The following UVRAG variants were observed in gnomAD, a reference collection of about 807,000 sequenced individuals.
The protein encoded by UVRAG is UV radiation resistance-associated gene protein.
A neutral mutation model predicts 78.0 loss-of-function variants in UVRAG; 19 were observed. That is an observed-to-expected ratio of 0.24 (90% confidence interval 0.17 to 0.36). The LOEUF (loss-of-function observed/expected upper bound fraction) is 0.36. Among genes scored for constraint, UVRAG ranks in the 10% least tolerant of loss-of-function variants. UVRAG has a pLI of 1.00. For missense variants in UVRAG, 740 were observed against 853.8 expected, an observed-to-expected ratio of 0.87 and a Z score of 1.66; for synonymous variants, 323 against 324.6, an observed-to-expected ratio of 1.00 and a Z score of 0.05.
chr11:76,016,780 A>G, intron 11 of UVRAG, 35 bp from the exon 12 acceptor site: 1 of 1,537,954 alleles, frequency 6.5e-7, no homozygotes, highest in South Asian at 1.4e-5. Flanking sequence ...TAAGGTAAAT[A>G]GTTATTTTCT....
At chr11:75,899,165 T>C (rs1053458696) in intron 5 of UVRAG, among the ~76,000 whole-genome samples, 1 of 152,188 alleles carries the variant, frequency 6.6e-6, no homozygotes, top group Non-Finnish European at 1.5e-5. Context: ...AGGGACTGTT[T>C]ATAATAGCTG....
intron 12 of UVRAG, among the ~76,000 whole-genome samples, chr11:76,063,804 A>G (rs1951136399): frequency 6.6e-6 from 1 of 152,164 alleles, no homozygotes. Flanking sequence ...TGCTAATGTA[A>G]TTCTCCAATA....
intron 1 of UVRAG, among the ~76,000 whole-genome samples, chr11:75,830,024 G>T (rs1485682342): frequency 2.0e-5 from 3 of 150,070 alleles, no homozygotes; most frequent in Non-Finnish European, 4.4e-5. Context: ...ATTTTTATTA[G>T]AGATGGGGTT....
chr11:76,109,406 C>G (rs1351242065), intron 13 of UVRAG, among the ~76,000 whole-genome samples: 1 of 152,214 alleles, frequency 6.6e-6, no homozygotes, highest in African/African-American at 2.4e-5. Flanking sequence ...ACTCTTAGCC[C>G]TCAGCAGTTA....
At chr11:76,045,241 A>G (rs2134339044) in intron 12 of UVRAG, among the ~76,000 whole-genome samples, 1 of 152,340 alleles carries the variant, frequency 6.6e-6, no homozygotes, top group Non-Finnish European at 1.5e-5. Context: ...AGAACGTGGA[A>G]AACTGATCCA....
At chr11:75,877,299 T>C (rs1294263459) in intron 3 of UVRAG, among the ~76,000 whole-genome samples, 2 of 152,192 alleles carry the variant, frequency 1.3e-5, no homozygotes, top group African/African-American at 4.8e-5. Flanking sequence ...TTTCCCCACC[T>C]TTCCCCGCTT....
intron 6 of UVRAG, among the ~76,000 whole-genome samples, chr11:75,949,700 T>C (rs1948648106): frequency 7.0e-6 from 1 of 143,152 alleles, no homozygotes; most frequent in Non-Finnish European, 1.5e-5. Context: ...TACATATATA[T>C]ATATATATAT....
At chr11:75,986,167 A>G (rs540218684) in intron 8 of UVRAG, among the ~76,000 whole-genome samples, 1 of 152,296 alleles carries the variant, frequency 6.6e-6, no homozygotes, top group South Asian at 2.1e-4. Context: ...CATCTTTACA[A>G]TATTGAGGCT....
chr11:75,859,590 T>C (rs1416162927), intron 2 of UVRAG, among the ~76,000 whole-genome samples: 2 of 152,134 alleles, frequency 1.3e-5, no homozygotes, highest in Admixed American at 1.3e-4. Flanking sequence ...ATATTCCAGG[T>C]GTCATTCTCC....
intron 12 of UVRAG, among the ~76,000 whole-genome samples, chr11:76,026,893 T>C (rs1673118428): frequency 6.6e-6 from 1 of 152,108 alleles, no homozygotes; most frequent in South Asian, 2.1e-4. Context: ...TCTCTGTTCA[T>C]GTGAAAACTT....
chr11:75,927,090 G>C (rs1466610621), intron 6 of UVRAG, among the ~76,000 whole-genome samples: 1 of 144,110 alleles, frequency 6.9e-6, no homozygotes, highest in Non-Finnish European at 1.5e-5. Context: ...TTTTTTTTGA[G>C]ATGAAGTCTC....
intron 7 of UVRAG, among the ~76,000 whole-genome samples, chr11:75,979,070 C>T (rs1949325369): frequency 6.6e-6 from 1 of 152,112 alleles, no homozygotes; most frequent in African/African-American, 2.4e-5. Flanking sequence ...GATATCCTTT[C>T]TGTTTGTTAG....
At chr11:75,984,359 G>A (rs985578782) in intron 8 of UVRAG, among the ~76,000 whole-genome samples, 1 of 152,184 alleles carries the variant, frequency 6.6e-6, no homozygotes, top group Non-Finnish European at 1.5e-5. Flanking sequence ...TCAATGCTGT[G>A]TTATAAAATA....
At chr11:76,118,085 C>CT (rs1337328082) in intron 14 of UVRAG, among the ~76,000 whole-genome samples, 4 of 152,254 alleles carry the variant, frequency 2.6e-5, no homozygotes, top group Non-Finnish European at 4.4e-5. Flanking sequence ...ACATCGCTTG[C>CT]TTTTTTAAAA....
intron 13 of UVRAG, among the ~76,000 whole-genome samples, chr11:76,081,934 A>G (rs1951502358): frequency 6.7e-6 from 1 of 150,050 alleles, no homozygotes; most frequent in African/African-American, 2.5e-5. Flanking sequence ...TAAAAGAACC[A>G]AAGCAAAAAA....
intron 14 of UVRAG, among the ~76,000 whole-genome samples, chr11:76,127,510 G>A (rs1952428612): frequency 6.6e-6 from 1 of 151,740 alleles, no homozygotes; most frequent in South Asian, 2.1e-4. Context: ...AGTTAGCCGG[G>A]TGTGGTGGTA....
chr11:75,958,090 A>C (rs929383272), intron 6 of UVRAG, among the ~76,000 whole-genome samples: 1 of 152,312 alleles, frequency 6.6e-6, no homozygotes, highest in Admixed American at 6.5e-5. Context: ...GATCATCTGA[A>C]CCTTCAGCAA....
chr11:76,011,882 C>T (rs1338145070), intron 11 of UVRAG, among the ~76,000 whole-genome samples: 1 of 152,060 alleles, frequency 6.6e-6, no homozygotes, highest in Non-Finnish European at 1.5e-5. Flanking sequence ...GTACATGGTA[C>T]TCAAAAAAGT....
intron 2 of UVRAG, among the ~76,000 whole-genome samples, chr11:75,852,363 A>G (rs1377908425): frequency 6.6e-6 from 1 of 152,180 alleles, no homozygotes; most frequent in Non-Finnish European, 1.5e-5. Flanking sequence ...GACCTAGTTT[A>G]TATCTTCTCG....
Sources: allele counts gnomAD v4.1 joint callset (sites outside exome capture counted in the v4.1 genomes callset), GRCh38; gene constraint gnomAD v4.1.1; transcripts MANE v1.5; gene names NCBI Gene and HGNC (gene_info 2026-07-23, HGNC 2026-07-21).